The following MAML3 variants were observed in gnomAD, a reference collection of about 807,000 sequenced individuals.
The protein encoded by MAML3 is mastermind like transcriptional coactivator 3.
A neutral mutation model predicts 101.9 loss-of-function variants in MAML3; 27 were observed. The ratio of observed to expected loss-of-function variants is 0.27; its 90% CI spans 0.20 to 0.37. The LOEUF is 0.37. MAML3 is among the 10% of genes least tolerant of loss of function. MAML3 has a pLI of 1.00. For synonymous variants in MAML3, 501 were observed against 555.9 expected (o/e 0.90, Z 1.39); for missense variants, 1,316 against 1,444.9 (o/e 0.91, Z 1.45).
intron 2 of MAML3, among the ~76,000 whole-genome samples, chr4:139,810,594 A>G (rs1730778995): frequency 6.6e-6 from 1 of 152,188 alleles, no homozygotes; most frequent in African/African-American, 2.4e-5. Flanking sequence ...GTGATCACAG[A>G]AGGATCCCAG....
At chr4:139,776,486 G>GA (rs994109156) in intron 2 of MAML3, among the ~76,000 whole-genome samples, 2 of 152,136 alleles carry the variant, frequency 1.3e-5, no homozygotes, top group Non-Finnish European at 2.9e-5. Context: ...ATAGATAAGT[G>GA]AAAAATAACA....
At chr4:139,940,297 G>T (rs1007552521) in intron 1 of MAML3, among the ~76,000 whole-genome samples, 4 of 152,006 alleles carry the variant, frequency 2.6e-5, no homozygotes, top group Non-Finnish European at 4.4e-5. Context: ...CTTGTATTGG[G>T]GAAGCTTGTT....
intron 2 of MAML3, among the ~76,000 whole-genome samples, chr4:139,865,485 GTTTTT>G (rs67288115): frequency 1.1e-5 from 1 of 90,084 alleles, no homozygotes; most frequent in Non-Finnish European, 2.1e-5. Context: ...TCTGTAAAAG[GTTTTT>G]TTTTTGTTTT....
At chr4:139,729,772 G>A (rs1728626777) in intron 3 of MAML3, among the ~76,000 whole-genome samples, 1 of 152,206 alleles carries the variant, frequency 6.6e-6, no homozygotes, top group Admixed American at 6.5e-5. Context: ...TATAGGGCGA[G>A]GGTGGACAAA....
intron 2 of MAML3, among the ~76,000 whole-genome samples, chr4:139,817,668 G>A (rs781097517): frequency 6.6e-6 from 1 of 152,130 alleles, no homozygotes; most frequent in Non-Finnish European, 1.5e-5. Context: ...TTTCTATGCC[G>A]GGTTAGGGGG....
intron 1 of MAML3, among the ~76,000 whole-genome samples, chr4:140,149,816 T>C (rs748896795): frequency 6.6e-6 from 1 of 152,224 alleles, no homozygotes; most frequent in Non-Finnish European, 1.5e-5. Flanking sequence ...CAACGTTTTC[T>C]TTACAACCTC....
At chr4:139,830,604 C>A (rs965320306) in intron 2 of MAML3, among the ~76,000 whole-genome samples, 1 of 151,726 alleles carries the variant, frequency 6.6e-6, no homozygotes, top group Non-Finnish European at 1.5e-5. Flanking sequence ...TTAGTAGAGA[C>A]GGGGTTTCAC....
chr4:139,951,503 T>C (rs1239604027), intron 1 of MAML3, among the ~76,000 whole-genome samples: 1 of 152,216 alleles, frequency 6.6e-6, no homozygotes, highest in Non-Finnish European at 1.5e-5. Context: ...TTTCTGCTGT[T>C]TCCCTGCCAT....
intron 3 of MAML3, 131 bp downstream of exon 3, chr4:139,730,285 G>A: frequency 1.3e-6 from 1 of 795,058 alleles, no homozygotes; most frequent in Non-Finnish European, 2.0e-6. Flanking sequence ...GTTCTCTTGT[G>A]ATCCTGGGAA....
chr4:140,117,851 A>G (rs1001627427), intron 1 of MAML3, among the ~76,000 whole-genome samples: 2 of 152,170 alleles, frequency 1.3e-5, no homozygotes, highest in Non-Finnish European at 2.9e-5. Context: ...TTCTCTAAGC[A>G]CATCAGACAA....
intron 1 of MAML3, among the ~76,000 whole-genome samples, chr4:140,082,262 CCAGGG>C (rs1358027173): frequency 6.6e-6 from 1 of 152,190 alleles, no homozygotes; most frequent in African/African-American, 2.4e-5. Context: ...TTTATTCTGC[CCAGGG>C]GCTCAAGTGG....
At chr4:139,954,046 C>A (rs570678470) in intron 1 of MAML3, among the ~76,000 whole-genome samples, 1 of 152,320 alleles carries the variant, frequency 6.6e-6, no homozygotes, top group South Asian at 2.1e-4. Context: ...GCTCAGGAAA[C>A]CAAATTGTTC....
At chr4:139,930,965 T>C (rs916606598) in intron 1 of MAML3, among the ~76,000 whole-genome samples, 3 of 152,064 alleles carry the variant, frequency 2.0e-5, no homozygotes, top group East Asian at 1.9e-4. Context: ...TATAGGTACA[T>C]TTTTCGTTCT....
intron 2 of MAML3, among the ~76,000 whole-genome samples, chr4:139,798,102 T>C (rs1324949481): frequency 2.7e-5 from 4 of 149,612 alleles, no homozygotes; most frequent in African/African-American, 9.8e-5. Flanking sequence ...GAAAAGGGAT[T>C]AAGAAAGCAT....
chr4:139,932,703 TG>T (rs996867854), intron 1 of MAML3, among the ~76,000 whole-genome samples: 1 of 152,208 alleles, frequency 6.6e-6, no homozygotes, highest in Non-Finnish European at 1.5e-5. Context: ...ATCTTTATTT[TG>T]GGGAAAATGT....
intron 1 of MAML3, among the ~76,000 whole-genome samples, chr4:140,032,051 T>C (rs1430223430): frequency 6.6e-6 from 1 of 152,148 alleles, no homozygotes; most frequent in African/African-American, 2.4e-5. Flanking sequence ...CCAAAGAAAA[T>C]ATGAAACTTG....
intron 2 of MAML3, among the ~76,000 whole-genome samples, chr4:139,742,144 CTTTTCT>C (rs377062802): frequency 9.9e-4 from 127 of 128,744 alleles, no homozygotes; most frequent in African/African-American, 2.5e-3. Context: ...CTTTTCTTTT[CTTTTCT>C]TTTTTTTTTT....
At chr4:140,144,658 C>T (rs1729027777) in intron 1 of MAML3, among the ~76,000 whole-genome samples, 1 of 151,878 alleles carries the variant, frequency 6.6e-6, no homozygotes, top group South Asian at 2.1e-4. Flanking sequence ...ATTTGCTTTC[C>T]AGGTACAAAC....
At chr4:140,015,178 C>A (rs951866519) in intron 1 of MAML3, among the ~76,000 whole-genome samples, 2 of 151,986 alleles carry the variant, frequency 1.3e-5, no homozygotes, top group African/African-American at 4.8e-5. Context: ...CTTCCACTGA[C>A]CAATTACAAC....
Sources: gnomAD v4.1 joint callset for allele counts (sites outside exome capture counted in the v4.1 genomes callset) on GRCh38, gnomAD v4.1.1 for gene constraint, MANE v1.5 for transcripts, NCBI Gene and HGNC (gene_info 2026-07-23, HGNC 2026-07-21) for gene names.